OTOF: variants seen among roughly 807,000 people sequenced by gnomAD.
OTOF encodes the protein otoferlin.
Under a neutral mutation model 236.8 loss-of-function variants are expected in OTOF, and 218 were observed. The observed-to-expected ratio is 0.92, with a 90% confidence interval of 0.82 to 1.03. The LOEUF (loss-of-function observed/expected upper bound fraction) is 1.03. OTOF is among the 50% of genes least tolerant of loss of function. The probability of loss-of-function intolerance (pLI) is 0.00; values close to 1 mark genes in which losing one functional copy is unlikely to be tolerated. For synonymous variants in OTOF, 1,041 were observed against 1,072.5 expected, an observed-to-expected ratio of 0.97 and a Z score of 0.57; for missense variants, 2,590 against 2,694.4, an observed-to-expected ratio of 0.96 and a Z score of 0.86.
At position 26,473,255 on chromosome 2, in the gene OTOF, T is replaced by A. The variant is rs1166422960; in HGVS notation, c.3610A>T (p.Ile1204Phe). ...ENELLHPPLN[I>F]RVVDCRAFGR... ...AAGGCCCGGCAGTCCACCACACGGA[T>A]GTTCAAGGGCGGGTGCAGCAGCTCG... The change falls in exon 29 of 47, where the codon ATC (isoleucine) becomes TTC (phenylalanine). Residue 1204 changes from isoleucine to phenylalanine, a missense_variant. Physicochemically the swap from Ile to Phe is conservative, Grantham distance 21 (BLOSUM62 0). Coordinates refer to ENST00000272371, the MANE Select transcript of OTOF (RefSeq NM_194248.3). This position sits in a 1 kb window ranked among gnomAD's most constrained non-coding sequence, Gnocchi z 7.2. 1 of 1,613,286 alleles carries A rather than the reference T, an allele frequency of 6.2e-7. No individual in the cohort carries two copies.
chr2:26,497,879 CCTT>C (rs148578018), intron 8 of OTOF, among the ~76,000 whole-genome samples: 9,561 of 152,210 alleles, frequency 0.063, 1,001 homozygotes, highest in African/African-American at 0.22. Context: ...CACTAGAAGT[CCTT>C]CTTTGCACAA....
At position 26,462,987 on chromosome 2, in the gene OTOF, G is replaced by T. The variant is rs1664550913; in HGVS notation, c.5192+496C>A. On this transcript the variant is annotated intron_variant, in intron 41 of 46. Transcript: ENST00000272371. The surrounding 1 kb of genome is among the most constrained non-coding windows in gnomAD (Gnocchi z 4.7). ...TGCCTCTTCCAGGCACTCACTCCTGGATTCATCACTGGCAGGCACTCCAAA... is the reference window on the plus strand; with the variant it reads ...TGCCTCTTCCAGGCACTCACTCCTGTATTCATCACTGGCAGGCACTCCAAA... 6.6e-6 allele frequency among the ~76,000 whole-genome samples: 1 copy of T among 152,170 alleles called. No homozygotes were observed. The highest frequency in any genetic ancestry group is 2.1e-4 in the South Asian group (1 of 4,836).
intron 14 of OTOF, 135 bp downstream of exon 14, chr2:26,482,271 G>T: frequency 1.2e-6 from 1 of 837,958 alleles, no homozygotes; most frequent in Non-Finnish European, 1.9e-6. Context: ...GGGGCTGCTG[G>T]CAAGGCCCTG....
At chr2:26,552,122 G>T (rs1667476812) in intron 1 of OTOF, among the ~76,000 whole-genome samples, 1 of 150,494 alleles carries the variant, frequency 6.6e-6, no homozygotes, top group South Asian at 2.1e-4. Context: ...AGGCACAGTG[G>T]CTTACGCCTA....
intron 46 of OTOF, 99 bp from the exon 47 acceptor site, chr2:26,458,319 T>G (rs906912507): frequency 5.6e-6 from 7 of 1,249,394 alleles, no homozygotes; most frequent in Non-Finnish European, 8.0e-6. Context: ...AGCCCTGCCA[T>G]GGCCCCAGCC....
At chr2:26,495,152 G>A (rs1665950857) in intron 8 of OTOF, 79 bp from the exon 9 acceptor site, 12 of 1,535,218 alleles carry the variant, frequency 7.8e-6, no homozygotes, top group Admixed American at 5.1e-5. Context: ...CCAGGGGCTG[G>A]GGCAGCAGGG....
chr2:26,530,240 G>A (rs1021403213), intron 2 of OTOF, among the ~76,000 whole-genome samples: 1 of 152,074 alleles, frequency 6.6e-6, no homozygotes, highest in Non-Finnish European at 1.5e-5. Flanking sequence ...GGTGTTGAAC[G>A]GTGGCGGGAG....
intron 1 of OTOF, among the ~76,000 whole-genome samples, chr2:26,542,133 C>T (rs1254517186): frequency 2.6e-5 from 4 of 152,246 alleles, no homozygotes; most frequent in African/African-American, 4.8e-5. Context: ...GCCATGCTGG[C>T]CTTTCATGGG....
intron 4 of OTOF, 54 bp from the exon 5 acceptor site, chr2:26,516,653 C>G: frequency 6.4e-7 from 1 of 1,571,716 alleles, no homozygotes; most frequent in Non-Finnish European, 8.7e-7. Flanking sequence ...CAATCTCCAC[C>G]CCGTATATGT....
rs140023414 is a variant in OTOF, at chr2:26,473,228, C to G, written c.3637G>C (p.Gly1213Arg). Residue 1213 changes from glycine to arginine, a missense_variant, in exon 29 of 47, where the codon GGT becomes CGT. Physicochemically the swap from Gly to Arg is moderately radical, Grantham distance 125. Around this residue, in one of 2 missense-constraint regions of OTOF, gnomAD observed 1,211 missense variants for 1,352.8 expected, o/e 0.90. Coordinates refer to ENST00000272371, the MANE Select transcript of OTOF (RefSeq NM_194248.3). This position sits in a 1 kb window ranked among gnomAD's most constrained non-coding sequence, Gnocchi z 7.2. ...NIRVVDCRAF[G>R]RYTLVGSHAV... ...TGGGAGCCCACCAGTGTGTAGCGAC[C>G]GAAGGCCCGGCAGTCCACCACACGG... is the stretch of plus-strand genomic sequence containing the variant. 1 of 1,613,308 alleles carries G rather than the reference C, an allele frequency of 6.2e-7. No homozygotes were observed. The highest frequency in any genetic ancestry group is 8.5e-7 in the Non-Finnish European group (1 of 1,179,994).
intron 5 of OTOF, chr2:26,510,844 C>T (rs1412154583): frequency 3.6e-5 from 27 of 754,214 alleles, no homozygotes; most frequent in African/African-American, 5.5e-5. Context: ...CGGGCCTGCA[C>T]GCTCCCCGGG....
chr2:26,540,970 A>C (rs1667199550), intron 1 of OTOF, among the ~76,000 whole-genome samples: 1 of 152,234 alleles, frequency 6.6e-6, no homozygotes, highest in African/African-American at 2.4e-5. Flanking sequence ...TTGAGCTTTT[A>C]ATTTTCCCCG....
chr2:26,508,807 A>G (rs1212216532), intron 5 of OTOF, among the ~76,000 whole-genome samples: 2 of 152,230 alleles, frequency 1.3e-5, no homozygotes, highest in East Asian at 1.9e-4. Context: ...AGAGATTGAA[A>G]TCTGTCTCCA....
At chr2:26,489,178 A>G in intron 11 of OTOF, 33 bp downstream of exon 11, 1 of 1,523,404 alleles carries the variant, frequency 6.6e-7, no homozygotes, top group Non-Finnish European at 9.0e-7. Flanking sequence ...AGCCATGCAC[A>G]CCTCGACTGA....
intron 5 of OTOF, among the ~76,000 whole-genome samples, chr2:26,509,098 C>T (rs1442332089): frequency 6.6e-6 from 1 of 152,158 alleles, no homozygotes; most frequent in Non-Finnish European, 1.5e-5. Flanking sequence ...CAGTCTGTGT[C>T]CCTGTGGGTC....
chr2:26,477,903 A>G lies in OTOF; in HGVS notation c.2215-154T>C, dbSNP rs1007281582. On this transcript the variant is annotated intron_variant, in intron 18 of 46. Transcript: ENST00000272371. The surrounding 1 kb of genome is among the most constrained non-coding windows in gnomAD (Gnocchi z 4.7). ...GAGTATCGGTCATCATGAGGAAGTC[A>G]TCAATTTCCCAGGTTCTGTTCTCAG... 1.0e-5 allele frequency: 16 copies of G among 1,535,304 alleles called. No homozygotes were observed. Among genetic ancestry groups the G allele is most frequent in the African/African-American group, 1.4e-5 (1 of 72,434 alleles).
chr2:26,552,801 G>A (rs1024776832), intron 1 of OTOF, among the ~76,000 whole-genome samples: 3 of 152,120 alleles, frequency 2.0e-5, no homozygotes, highest in South Asian at 2.1e-4. Context: ...AAACAAAAGC[G>A]CAGGGCTGTG....
Position 26,470,908 on chromosome 2 carries a change from G to A in OTOF, c.3895-187C>T, listed in dbSNP as rs1664944631. On this transcript the variant is annotated intron_variant, in intron 31 of 46. Transcript: ENST00000272371. This position sits in a 1 kb window ranked among gnomAD's most constrained non-coding sequence, Gnocchi z 4.3. ...GGTGCCACAGGCCACAGAGTGTTGT[G>A]ACCTGCCAGTGCGATCCACTCGCCC... Among the ~76,000 whole-genome samples the A allele has an allele frequency of 6.6e-6, 1 of 152,202 alleles. No individual in the cohort carries two copies.
chr2:26,476,362 G>A (rs1665269746), intron 22 of OTOF, 45 bp from the exon 23 acceptor site: 16 of 1,575,274 alleles, frequency 1.0e-5, no homozygotes, highest in Non-Finnish European at 1.4e-5. Flanking sequence ...GGCTGCCAGG[G>A]CCCAAGAGGT....
Sources: gnomAD v4.1 joint callset for allele counts (sites outside exome capture counted in the v4.1 genomes callset) on GRCh38, gnomAD v4.1.1 for gene constraint, gnomAD v4.1.1 regional missense constraint, Gnocchi (gnomAD v3.1) non-coding constraint, MANE v1.5 for transcripts, NCBI Gene and HGNC (gene_info 2026-07-23, HGNC 2026-07-21) for gene names.